Variants in CATSPERT observed in about 807,000 individuals in gnomAD.
CATSPERT encodes the protein cation channel sperm-associated targeting subunit tau.
the CATSPERT span, among the ~76,000 whole-genome samples, chr2:201,508,483 A>G: frequency 6.6e-6 from 1 of 152,258 alleles, no homozygotes. Flanking sequence ...AGCACATAAC[A>G]TTAATTTTAC....
the CATSPERT span, among the ~76,000 whole-genome samples, chr2:201,616,942 G>T: frequency 1.9e-3 from 285 of 152,150 alleles, 1 homozygote; most frequent in African/African-American, 6.3e-3. Flanking sequence ...AAATCATGAG[G>T]GAACTCCCAT....
chr2:201,558,600 C>T, the CATSPERT span, among the ~76,000 whole-genome samples: 2 of 152,212 alleles, frequency 1.3e-5, no homozygotes, highest in African/African-American at 4.8e-5. Context: ...CCATTGCCAC[C>T]ACAAATATCA....
the CATSPERT span, among the ~76,000 whole-genome samples, chr2:201,581,449 T>TAC: frequency 7.9e-6 from 1 of 125,926 alleles, no homozygotes; most frequent in Non-Finnish European, 1.6e-5. Flanking sequence ...TATATATATA[T>TAC]ATATATGTAT....
the CATSPERT span, chr2:201,550,233 A>G: frequency 6.6e-6 from 1 of 152,332 alleles, no homozygotes; most frequent in African/African-American, 2.4e-5. Flanking sequence ...TGTGGATCAA[A>G]TCACAGCTTT....
the CATSPERT span, among the ~76,000 whole-genome samples, chr2:201,523,302 C>G: frequency 3.9e-5 from 6 of 152,170 alleles, no homozygotes; most frequent in African/African-American, 1.4e-4. Context: ...AGATGCTTAA[C>G]CTTGAGGGGC....
At chr2:201,592,221 T>G in the CATSPERT span, among the ~76,000 whole-genome samples, 1 of 151,970 alleles carries the variant, frequency 6.6e-6, no homozygotes, top group Non-Finnish European at 1.5e-5. Flanking sequence ...AGGCCTTTTC[T>G]GCATCTATTG....
chr2:201,582,263 A>T, the CATSPERT span: 1 of 1,541,772 alleles, frequency 6.5e-7, no homozygotes, highest in Non-Finnish European at 8.7e-7. Context: ...ATTTGAGCCT[A>T]AATATTTCTG....
the CATSPERT span, among the ~76,000 whole-genome samples, chr2:201,515,212 T>G: frequency 4.2e-5 from 1 of 24,074 alleles, no homozygotes; most frequent in Non-Finnish European, 7.4e-5. Flanking sequence ...GTTTTTTTTT[T>G]TTTTTTTTTT....
At chr2:201,536,087 A>T in the CATSPERT span, 1 of 1,613,382 alleles carries the variant, frequency 6.2e-7, no homozygotes, top group Non-Finnish European at 8.5e-7. Context: ...CTTCTAATGG[A>T]AAAAATACAT....
chr2:201,569,031 T>A, the CATSPERT span, among the ~76,000 whole-genome samples: 1 of 152,258 alleles, frequency 6.6e-6, no homozygotes, highest in East Asian at 1.9e-4. Flanking sequence ...CTGGAATTAG[T>A]GTTAGTTCAG....
At chr2:201,592,973 C>G in the CATSPERT span, among the ~76,000 whole-genome samples, 1 of 151,978 alleles carries the variant, frequency 6.6e-6, no homozygotes, top group Non-Finnish European at 1.5e-5. Context: ...TTTTGTGTCT[C>G]TATTTCCTTC....
the CATSPERT span, chr2:201,575,428 T>C: frequency 1.3e-5 from 10 of 774,040 alleles, no homozygotes; most frequent in Non-Finnish European, 1.9e-5. Context: ...GGACTGGTGC[T>C]GGTCCATGGC....
the CATSPERT span, among the ~76,000 whole-genome samples, chr2:201,594,595 C>T: frequency 6.6e-6 from 1 of 152,114 alleles, no homozygotes; most frequent in East Asian, 1.9e-4. Flanking sequence ...GTTCCATTCT[C>T]CCCGTCACTT....
the CATSPERT span, among the ~76,000 whole-genome samples, chr2:201,573,651 G>GC: frequency 2.6e-5 from 4 of 152,110 alleles, no homozygotes; most frequent in Non-Finnish European, 5.9e-5. Flanking sequence ...ACAAATAAAA[G>GC]CAAGTTTTAT....
the CATSPERT span, among the ~76,000 whole-genome samples, chr2:201,586,658 G>T: frequency 6.6e-6 from 1 of 151,620 alleles, no homozygotes; most frequent in African/African-American, 2.4e-5. Context: ...CAAATTTTTA[G>T]CATAGAGTTA....
the CATSPERT span, among the ~76,000 whole-genome samples, chr2:201,510,308 G>A: frequency 7.0e-6 from 1 of 143,188 alleles, no homozygotes; most frequent in East Asian, 1.9e-4. Context: ...GCCAGGTGTG[G>A]TGGTGTGCGC....
the CATSPERT span, among the ~76,000 whole-genome samples, chr2:201,490,489 A>T: frequency 5.3e-5 from 8 of 152,162 alleles, no homozygotes; most frequent in Non-Finnish European, 1.5e-5. Context: ...TCAGGGCTAA[A>T]ATCCAGCCAG....
the CATSPERT span, among the ~76,000 whole-genome samples, chr2:201,515,923 C>T: frequency 2.0e-5 from 3 of 152,228 alleles, no homozygotes; most frequent in Non-Finnish European, 4.4e-5. Flanking sequence ...TTTCATTACA[C>T]ACCCTTAACA....
the CATSPERT span, chr2:201,487,480 C>A: frequency 4.7e-6 from 4 of 847,914 alleles, no homozygotes; most frequent in African/African-American, 6.9e-5. Context: ...AATTTGGTTG[C>A]TGACTTCTGT....
Sources: allele counts gnomAD v4.1 joint callset (sites outside exome capture counted in the v4.1 genomes callset), GRCh38; gene constraint gnomAD v4.1.1; transcripts MANE v1.5; gene names NCBI Gene and HGNC (gene_info 2026-07-23, HGNC 2026-07-21).